The following AGBL4 variants were observed in gnomAD, a reference collection of about 807,000 sequenced individuals.
The protein encoded by AGBL4 is AGBL carboxypeptidase 4, also known as cytosolic carboxypeptidase 6.
In AGBL4, 58 loss-of-function variants were observed where a neutral mutation model predicts 66.4. The ratio of observed to expected loss-of-function variants is 0.87; its 90% CI spans 0.71 to 1.09. The LOEUF (loss-of-function observed/expected upper bound fraction) is 1.09. AGBL4 is among the 50% of genes least tolerant of loss of function. AGBL4 has a pLI of 0.00. For missense variants in AGBL4, 579 were observed against 631.0 expected, an observed-to-expected ratio of 0.92 and a Z score of 0.88; for synonymous variants, 234 against 222.9, an observed-to-expected ratio of 1.05 and a Z score of -0.44.
intron 8 of AGBL4, among the ~76,000 whole-genome samples, chr1:48,642,409 C>T (rs184988898): frequency 2.1e-4 from 32 of 152,230 alleles, no homozygotes; most frequent in African/African-American, 6.7e-4. Flanking sequence ...CCGTACAGAG[C>T]ATATACTCCA....
At chr1:49,700,128 A>C (rs1647059687) in intron 2 of AGBL4, among the ~76,000 whole-genome samples, 1 of 151,812 alleles carries the variant, frequency 6.6e-6, no homozygotes, top group South Asian at 2.1e-4. Context: ...AAAAGATTGA[A>C]AATAAAATGA....
At chr1:49,805,257 T>C (rs970984703) in intron 2 of AGBL4, among the ~76,000 whole-genome samples, 1 of 152,264 alleles carries the variant, frequency 6.6e-6, no homozygotes, top group East Asian at 1.9e-4. Context: ...TTGACAGAAC[T>C]ATAAGAACAG....
At chr1:50,022,391 C>T (rs1307924632) in intron 1 of AGBL4, among the ~76,000 whole-genome samples, 1 of 151,976 alleles carries the variant, frequency 6.6e-6, no homozygotes, top group African/African-American at 2.4e-5. Flanking sequence ...AGTTAGCACT[C>T]GATATTTGTT....
At chr1:49,660,122 T>A (rs1165851111) in intron 3 of AGBL4, among the ~76,000 whole-genome samples, 4 of 152,008 alleles carry the variant, frequency 2.6e-5, no homozygotes, top group Non-Finnish European at 5.9e-5. Flanking sequence ...TAAACTAAAG[T>A]GCTTCTGCAC....
intron 1 of AGBL4, among the ~76,000 whole-genome samples, chr1:49,891,871 C>A (rs1450140963): frequency 1.3e-5 from 2 of 152,216 alleles, no homozygotes; most frequent in Non-Finnish European, 2.9e-5. Context: ...ATTCACTTAA[C>A]ACTTTGAGAC....
intron 2 of AGBL4, among the ~76,000 whole-genome samples, chr1:49,831,803 A>C (rs1480191119): frequency 6.6e-6 from 1 of 152,050 alleles, no homozygotes; most frequent in African/African-American, 2.4e-5. Context: ...TGGTTTATTG[A>C]GAGTTTTTAG....
intron 3 of AGBL4, among the ~76,000 whole-genome samples, chr1:49,490,027 C>G (rs1647155643): frequency 6.6e-6 from 1 of 151,758 alleles, no homozygotes; most frequent in African/African-American, 2.4e-5. Context: ...TGTCTTAATT[C>G]TCTTCCCTGT....
intron 5 of AGBL4, among the ~76,000 whole-genome samples, chr1:48,888,766 T>G (rs1210268113): frequency 5.3e-5 from 8 of 152,202 alleles, no homozygotes; most frequent in Admixed American, 5.2e-4. Flanking sequence ...GAATACAAGC[T>G]CAATGCAGGT....
intron 1 of AGBL4, among the ~76,000 whole-genome samples, chr1:49,976,322 C>T (rs909557301): frequency 1.3e-5 from 2 of 152,072 alleles, no homozygotes; most frequent in Admixed American, 1.3e-4. Context: ...AGATTGGTTA[C>T]ATTATTGGAC....
At chr1:49,860,768 C>CAA (rs113628251) in intron 1 of AGBL4, among the ~76,000 whole-genome samples, 5 of 133,602 alleles carry the variant, frequency 3.7e-5, no homozygotes, top group African/African-American at 1.4e-4. Context: ...CCTTCCCCAG[C>CAA]AAAAAAAAAA....
chr1:49,713,940 T>A (rs1192654731), intron 2 of AGBL4, among the ~76,000 whole-genome samples: 3 of 152,026 alleles, frequency 2.0e-5, no homozygotes, highest in African/African-American at 4.8e-5. Context: ...TACTTCTAAA[T>A]GGATTTTAAC....
At chr1:49,950,231 A>G (rs533003018) in intron 1 of AGBL4, among the ~76,000 whole-genome samples, 1 of 150,134 alleles carries the variant, frequency 6.7e-6, no homozygotes, top group Admixed American at 6.7e-5. Flanking sequence ...ATAAAAAGGA[A>G]TGAACTAATG....
chr1:49,750,984 T>G (rs868254192), intron 2 of AGBL4, among the ~76,000 whole-genome samples: 5 of 152,198 alleles, frequency 3.3e-5, no homozygotes, highest in Non-Finnish European at 5.9e-5. Flanking sequence ...AAGGAGTTTT[T>G]GGGCTGAGAT....
At chr1:48,671,106 G>A (rs1646269782) in intron 6 of AGBL4, among the ~76,000 whole-genome samples, 1 of 152,208 alleles carries the variant, frequency 6.6e-6, no homozygotes, top group Non-Finnish European at 1.5e-5. Flanking sequence ...CAAGTCCCAG[G>A]GAGGAACTCA....
At chr1:49,787,062 T>TC (rs1020340538) in intron 2 of AGBL4, among the ~76,000 whole-genome samples, 8 of 151,892 alleles carry the variant, frequency 5.3e-5, no homozygotes, top group Middle Eastern at 3.4e-3. Context: ...GCTCCCTAAG[T>TC]CCCCCCTGTA....
chr1:49,756,746 C>T (rs1036864199), intron 2 of AGBL4, among the ~76,000 whole-genome samples: 14 of 152,188 alleles, frequency 9.2e-5, no homozygotes, highest in African/African-American at 3.4e-4. Flanking sequence ...TTGCTTGGCA[C>T]TTCTCCTTCT....
At chr1:49,262,443 T>C (rs1653284070) in intron 3 of AGBL4, among the ~76,000 whole-genome samples, 2 of 152,012 alleles carry the variant, frequency 1.3e-5, no homozygotes, top group African/African-American at 4.8e-5. Flanking sequence ...TACAATGAAC[T>C]CAAACAAATT....
intron 3 of AGBL4, among the ~76,000 whole-genome samples, chr1:49,279,737 G>T (rs1428690338): frequency 6.6e-6 from 1 of 152,176 alleles, no homozygotes; most frequent in Non-Finnish European, 1.5e-5. Flanking sequence ...TAATGGGGGA[G>T]ATCTGATCTA....
chr1:49,504,038 G>T (rs561433729), intron 3 of AGBL4, among the ~76,000 whole-genome samples: 3 of 152,110 alleles, frequency 2.0e-5, no homozygotes, highest in African/African-American at 7.2e-5. Context: ...CAAATGAATT[G>T]TAATTCTCAT....
Sources: gnomAD v4.1 joint callset for allele counts (sites outside exome capture counted in the v4.1 genomes callset) on GRCh38, gnomAD v4.1.1 for gene constraint, MANE v1.5 for transcripts, NCBI Gene and HGNC (gene_info 2026-07-23, HGNC 2026-07-21) for gene names.